IRAG2: variants seen among roughly 807,000 people sequenced by gnomAD.
IRAG2 encodes lymphoid restricted membrane protein.
IRAG2 carries 45 observed loss-of-function variants against 69.9 expected under a neutral mutation model. The observed-to-expected ratio is 0.64, with a 90% CI of 0.51 to 0.83. The LOEUF is 0.83. Ranked by LOEUF, IRAG2 falls within the 40% of genes least tolerant of loss-of-function variation. The pLI, the probability that IRAG2 is intolerant of heterozygous loss-of-function variation, is 0.00. For synonymous variants in IRAG2, 193 were observed against 202.4 expected, an observed-to-expected ratio of 0.95 and a Z score of 0.40; for missense variants, 520 against 587.0, an observed-to-expected ratio of 0.89 and a Z score of 1.18.
chr12:25,089,367 T>C (rs1416372424), intron 11 of IRAG2, among the ~76,000 whole-genome samples: 1 of 150,774 alleles, frequency 6.6e-6, no homozygotes, highest in Admixed American at 6.7e-5. Context: ...TGTTGCTTGA[T>C]TCTGAGACAT....
intron 14 of IRAG2, chr12:25,091,124 C>T (rs747708292): frequency 5.9e-6 from 1 of 169,388 alleles, no homozygotes; most frequent in Non-Finnish European, 1.3e-5. Flanking sequence ...AAAAGAATCA[C>T]GTTATTTTTT....
At chr12:25,094,943 T>G (rs1948323711) in intron 14 of IRAG2, among the ~76,000 whole-genome samples, 1 of 152,172 alleles carries the variant, frequency 6.6e-6, no homozygotes, top group Non-Finnish European at 1.5e-5. Context: ...TTGTTGAATG[T>G]GTATATTAGT....
At chr12:25,021,898 T>C (rs1413364297) in intron 7 of IRAG2, among the ~76,000 whole-genome samples, 1 of 152,214 alleles carries the variant, frequency 6.6e-6, no homozygotes, top group Non-Finnish European at 1.5e-5. Flanking sequence ...CCAGGTCTTT[T>C]GTGACCCTGC....
intron 9 of IRAG2, chr12:25,026,992 A>G: frequency 2.2e-6 from 1 of 448,014 alleles, no homozygotes; most frequent in African/African-American, 2.0e-5. Context: ...TTAGTCTACA[A>G]AATATTTGAG....
chr12:25,004,904 T>G (rs775545860), exon 1 of IRAG2: 44 of 1,230,498 alleles, frequency 3.6e-5, no homozygotes, highest in Non-Finnish European at 4.2e-5. Flanking sequence ...AAATTATCTC[T>G]GAATGAAGAT....
At chr12:25,063,653 G>A (rs1424621315) in intron 3 of IRAG2, 67 bp from the exon 4 acceptor site, 6 of 398,356 alleles carry the variant, frequency 1.5e-5, no homozygotes, top group Admixed American at 4.4e-5. Context: ...TTGAAATGGA[G>A]GTAGTAGATT....
At chr12:25,030,997 G>A (rs1456962889) in intron 10 of IRAG2, 1 of 980,962 alleles carries the variant, frequency 1.0e-6, no homozygotes, top group African/African-American at 1.7e-5. Context: ...TCCTGTGATT[G>A]TAGCCAAGGA....
rs961153698 is a variant in IRAG2, at chr12:25,060,603, C to G, written c.-446-989C>G. On this transcript the variant is annotated intron_variant, in intron 1 of 21. Coordinates refer to ENST00000556887, the MANE Select transcript of IRAG2 (RefSeq NM_001366544.2). The stretch of plus-strand genomic sequence containing the variant: ...TGTAATTTGAGGGCTCAAGCAGAGG[C>G]TTATTGGAGATAGGATTTCTTTATC... 5.7e-4 allele frequency among the ~76,000 whole-genome samples: 86 copies of G among 149,576 alleles called. 1 individual carries two copies. The highest frequency in any genetic ancestry group is 1.0e-3 in the Non-Finnish European group (69 of 67,658).
chr12:25,041,119 G>A (rs1038722012), intron 16 of IRAG2, among the ~76,000 whole-genome samples: 2 of 152,106 alleles, frequency 1.3e-5, no homozygotes, highest in African/African-American at 2.4e-5. Flanking sequence ...GCAAGGAGCC[G>A]GTGCCAGGAG....
chr12:25,107,096 A>G lies in IRAG2; in HGVS notation c.1256+46A>G. ...ATTCTACCATTTTAGTGGAATGGGAAAGGGTGAGGCAGGGCTGACAGTATT... is the reference window on the plus strand; with the variant it reads ...ATTCTACCATTTTAGTGGAATGGGAGAGGGTGAGGCAGGGCTGACAGTATT... On this transcript the variant is annotated intron_variant, in intron 21 of 21. Coordinates refer to ENST00000556887, the MANE Select transcript of IRAG2 (RefSeq NM_001366544.2). 2 of 1,084,672 alleles carry G rather than the reference A, an allele frequency of 1.8e-6. 1 individual carries two copies. Among genetic ancestry groups the G allele is most frequent in the South Asian group, 2.8e-5 (2 of 72,276 alleles). The allele number at this position is 1,084,672 out of a possible 1,614,324, so 67.2% of individuals were successfully genotyped here.
chr12:25,019,731 T>C (rs985347147), intron 6 of IRAG2, among the ~76,000 whole-genome samples: 2 of 151,342 alleles, frequency 1.3e-5, no homozygotes, highest in Admixed American at 6.6e-5. Context: ...GGTTTGAGGG[T>C]GGAACCCTTG....
intron 6 of IRAG2, chr12:25,017,404 A>G (rs747018884): frequency 4.0e-5 from 40 of 998,248 alleles, no homozygotes; most frequent in African/African-American, 5.0e-5. Context: ...CTCTTAAAGT[A>G]TACAATTCAG....
At chr12:25,039,673 G>A (rs868441210) in intron 16 of IRAG2, among the ~76,000 whole-genome samples, 6 of 152,026 alleles carry the variant, frequency 3.9e-5, no homozygotes, top group East Asian at 1.9e-4. Context: ...CTCGTGATCC[G>A]CCCCCCTCGG....
intron 9 of IRAG2, among the ~76,000 whole-genome samples, chr12:25,081,820 A>G (rs1947231644): frequency 6.6e-6 from 1 of 152,204 alleles, no homozygotes; most frequent in Admixed American, 6.5e-5. Flanking sequence ...TAAAAGGACT[A>G]CTGTTTCTTG....
At chr12:25,078,309 T>G (rs2140097617) in intron 6 of IRAG2, among the ~76,000 whole-genome samples, 1 of 152,336 alleles carries the variant, frequency 6.6e-6, no homozygotes, top group East Asian at 1.9e-4. Flanking sequence ...TGTACTTTAC[T>G]TGTCTGTGAC....
intron 7 of IRAG2, among the ~76,000 whole-genome samples, chr12:25,021,706 A>C (rs1565528108): frequency 6.6e-6 from 1 of 152,262 alleles, no homozygotes; most frequent in Non-Finnish European, 1.5e-5. Context: ...GGAGTGGCTG[A>C]AAGTCATTCC....
At chr12:25,088,286 G>A in intron 11 of IRAG2, 129 bp downstream of exon 11, 1 of 725,794 alleles carries the variant, frequency 1.4e-6, no homozygotes, top group South Asian at 1.7e-5. Flanking sequence ...CAGTCAATAG[G>A]ACCGATTATT....
intron 9 of IRAG2, among the ~76,000 whole-genome samples, chr12:25,081,726 A>T (rs1321670025): frequency 6.6e-6 from 1 of 152,244 alleles, no homozygotes; most frequent in Non-Finnish European, 1.5e-5. Flanking sequence ...ATAACAAAAT[A>T]TTAGATTTTG....
intron 6 of IRAG2, among the ~76,000 whole-genome samples, chr12:25,017,491 G>A (rs1944540081): frequency 6.6e-6 from 1 of 152,182 alleles, no homozygotes; most frequent in Non-Finnish European, 1.5e-5. Context: ...ACCAAGGCAA[G>A]TGAATCACTT....
Sources: allele counts gnomAD v4.1 joint callset (sites outside exome capture counted in the v4.1 genomes callset), GRCh38; gene constraint gnomAD v4.1.1; transcripts MANE v1.5; gene names NCBI Gene and HGNC (gene_info 2026-07-23, HGNC 2026-07-21).